The following NARS2 variants were observed in gnomAD, a reference collection of about 807,000 sequenced individuals.
The protein encoded by NARS2 is asparaginyl-tRNA synthetase 2, mitochondrial.
In NARS2, 60 loss-of-function variants were observed where a neutral mutation model predicts 62.9. The ratio of observed to expected loss-of-function variants is 0.95; its 90% confidence interval spans 0.77 to 1.18. The LOEUF is 1.18. Ranked by LOEUF, NARS2 falls within the 50% of genes most tolerant of loss-of-function variation. NARS2 has a pLI of 0.00. For synonymous variants in NARS2, 196 were observed against 200.0 expected (o/e 0.98, Z 0.17); for missense variants, 619 against 576.4 (o/e 1.07, Z -0.76).
At chr11:78,540,628 AATAC>A (rs1247973413) in intron 5 of NARS2, among the ~76,000 whole-genome samples, 4 of 152,230 alleles carry the variant, frequency 2.6e-5, no homozygotes, top group Non-Finnish European at 5.9e-5. Flanking sequence ...TTGGGAAGAG[AATAC>A]ATAAAGATGA....
intron 6 of NARS2, among the ~76,000 whole-genome samples, chr11:78,511,449 G>A (rs1404604319): frequency 6.6e-6 from 1 of 152,164 alleles, no homozygotes; most frequent in Non-Finnish European, 1.5e-5. Context: ...CAGGCGCAGT[G>A]GCTTATGCCT....
chr11:78,478,835 T>C (rs1859224006), intron 7 of NARS2, 152 bp from the exon 8 acceptor site: 2 of 459,462 alleles, frequency 4.4e-6, no homozygotes, highest in Non-Finnish European at 3.8e-6. Flanking sequence ...ATTGGTTCAG[T>C]TTTCCAGGCA....
rs549442380 is a variant in NARS2 at position 78,478,659 on chromosome 11, T to C, written c.847A>G (p.Thr283Ala). ...MQVIEELFKA[T>A]TMMVLSKCPE... Reference sequence around the variant, plus strand: ...CATTTTGAGAGAACCATCATTGTTGTAGCCTTGAACAGTTCCTCTATAACC... The same window carrying C: ...CATTTTGAGAGAACCATCATTGTTGCAGCCTTGAACAGTTCCTCTATAACC... The change falls in exon 8 of 14, where the codon ACA becomes GCA. Residue 283 changes from threonine (T) to alanine (A), a missense_variant. Coordinates refer to ENST00000281038, the MANE Select transcript of NARS2 (RefSeq NM_024678.6). 119 of 1,611,438 alleles carry C rather than the reference T, an allele frequency of 7.4e-5. No individual in the cohort carries two copies. The Middle Eastern group carries it at 2.8e-3, about 38-fold the overall frequency.
intron 6 of NARS2, among the ~76,000 whole-genome samples, chr11:78,506,223 C>A (rs567266853): frequency 3.3e-5 from 5 of 152,154 alleles, no homozygotes; most frequent in Non-Finnish European, 7.3e-5. Flanking sequence ...GTGGACCAAC[C>A]GGCATCCTCA....
intron 6 of NARS2, among the ~76,000 whole-genome samples, chr11:78,494,570 T>C (rs1455545090): frequency 6.6e-6 from 1 of 151,422 alleles, no homozygotes; most frequent in Non-Finnish European, 1.5e-5. Flanking sequence ...GCCATTTCAG[T>C]AAGACCCAAT....
chr11:78,561,992 G>A (rs926367573), intron 4 of NARS2, among the ~76,000 whole-genome samples: 3 of 152,012 alleles, frequency 2.0e-5, no homozygotes, highest in South Asian at 2.1e-4. Context: ...CCGAGATCAC[G>A]CCACTGTGCT....
At chr11:78,493,531 G>A (rs1859920749) in intron 6 of NARS2, among the ~76,000 whole-genome samples, 2 of 152,062 alleles carry the variant, frequency 1.3e-5, no homozygotes, top group Non-Finnish European at 2.9e-5. Flanking sequence ...GATGGCCTGT[G>A]CCTATAGGTC....
chr11:78,489,549 G>A (rs926434993), intron 7 of NARS2, among the ~76,000 whole-genome samples: 2 of 152,132 alleles, frequency 1.3e-5, no homozygotes, highest in African/African-American at 4.8e-5. Context: ...TAAAATGAAA[G>A]AAATTTTGTA....
At chr11:78,537,320 G>C (rs1288246428) in intron 5 of NARS2, among the ~76,000 whole-genome samples, 1 of 152,206 alleles carries the variant, frequency 6.6e-6, no homozygotes, top group Non-Finnish European at 1.5e-5. Context: ...ATGTGACCAA[G>C]AGGGAGATAA....
Position 78,466,013 on chromosome 11 carries a change from A to G in NARS2, c.1027T>C (p.Trp343Arg), listed in dbSNP as rs768215376. The change falls in exon 11 of 14, where the codon TGG (tryptophan) becomes CGG (arginine). Residue 343 changes from tryptophan to arginine, a missense_variant and splice_region_variant. By Grantham distance (101) the Trp-to-Arg change is moderately radical (BLOSUM62 -3). Transcript: ENST00000281038. ...ASQNFTFTPE[W>R]GADLRTEHEK... Reference sequence around the variant, plus strand: ...TGTTCAGTCCGTAGGTCAGCACCCCACTGTAATGAGAAGAAAGAAATGACC... The same window carrying G: ...TGTTCAGTCCGTAGGTCAGCACCCCGCTGTAATGAGAAGAAAGAAATGACC... 2.5e-6 allele frequency: 4 copies of G among 1,591,190 alleles called. No homozygotes were observed.
chr11:78,534,175 G>C (rs1861582647), intron 5 of NARS2, among the ~76,000 whole-genome samples: 2 of 152,172 alleles, frequency 1.3e-5, no homozygotes, highest in African/African-American at 4.8e-5. Context: ...AAATACCAAG[G>C]AGCAGAACTG....
intron 7 of NARS2, 32 bp from the exon 8 acceptor site, chr11:78,478,715 G>T: frequency 7.1e-7 from 1 of 1,417,666 alleles, no homozygotes; most frequent in East Asian, 2.4e-5. Context: ...CACCTGACAC[G>T]TAAGCAATTT....
At chr11:78,497,768 AT>A (rs928462391) in intron 6 of NARS2, among the ~76,000 whole-genome samples, 101 of 152,252 alleles carry the variant, frequency 6.6e-4, no homozygotes, top group African/African-American at 2.3e-3. Flanking sequence ...CCACCATGCA[AT>A]ACACTTGGTG....
At chr11:78,476,388 GTC>G (rs952215031) in intron 9 of NARS2, among the ~76,000 whole-genome samples, 1 of 152,190 alleles carries the variant, frequency 6.6e-6, no homozygotes, top group Non-Finnish European at 1.5e-5. Flanking sequence ...CTGGATAGCT[GTC>G]TCTTTTTCCA....
intron 6 of NARS2, among the ~76,000 whole-genome samples, chr11:78,514,655 G>T (rs558522778): frequency 1.6e-4 from 24 of 152,284 alleles, no homozygotes; most frequent in Admixed American, 1.5e-3. Context: ...AGACCTCAGT[G>T]AATTAGGTAA....
chr11:78,454,777 C>A (rs1858098614), intron 11 of NARS2, among the ~76,000 whole-genome samples: 1 of 152,040 alleles, frequency 6.6e-6, no homozygotes, highest in East Asian at 1.9e-4. Context: ...TGCCACTACG[C>A]TCAGCTAATT....
At chr11:78,468,139 G>C (rs942244957) in intron 10 of NARS2, among the ~76,000 whole-genome samples, 2 of 151,170 alleles carry the variant, frequency 1.3e-5, no homozygotes, top group Admixed American at 1.3e-4. Flanking sequence ...TTGAGCCTAG[G>C]AGTTCAAGAT....
At chr11:78,460,575 G>T (rs570656365) in intron 11 of NARS2, among the ~76,000 whole-genome samples, 2 of 152,286 alleles carry the variant, frequency 1.3e-5, no homozygotes, top group African/African-American at 4.8e-5. Flanking sequence ...AGATATTTAG[G>T]AGCGCAAAAC....
chr11:78,450,284 G>C (rs1459246271), intron 11 of NARS2, among the ~76,000 whole-genome samples: 1 of 152,082 alleles, frequency 6.6e-6, no homozygotes, highest in East Asian at 1.9e-4. Context: ...CTGTACTCTG[G>C]GAGATAAACG....
Sources: allele counts gnomAD v4.1 joint callset (sites outside exome capture counted in the v4.1 genomes callset), GRCh38; gene constraint gnomAD v4.1.1; transcripts MANE v1.5; gene names NCBI Gene and HGNC (gene_info 2026-07-23, HGNC 2026-07-21).